PRKN: variants seen among roughly 807,000 people sequenced by gnomAD.
PRKN encodes E3 ubiquitin-protein ligase parkin.
In PRKN, 56 loss-of-function variants were observed where a neutral mutation model predicts 59.5. The ratio of observed to expected loss-of-function variants is 0.94; its 90% CI spans 0.76 to 1.18. The LOEUF (loss-of-function observed/expected upper bound fraction) is 1.18. Ranked by LOEUF, PRKN falls within the 50% of genes most tolerant of loss-of-function variation. PRKN has a pLI of 0.00. For missense variants in PRKN, 657 were observed against 596.4 expected (o/e 1.10, Z -1.06); for synonymous variants, 250 against 222.1 (o/e 1.13, Z -1.12).
intron 9 of PRKN, among the ~76,000 whole-genome samples, chr6:161,531,120 G>A (rs535720183): frequency 2.0e-5 from 3 of 152,118 alleles, no homozygotes; most frequent in African/African-American, 4.8e-5. Flanking sequence ...GGTGGCTCAC[G>A]CCTGTAATCC....
chr6:162,681,077 G>C (rs1779751678), intron 1 of PRKN, among the ~76,000 whole-genome samples: 1 of 151,622 alleles, frequency 6.6e-6, no homozygotes, highest in South Asian at 2.1e-4. Flanking sequence ...ACGTGTTTTT[G>C]AAAAAGATTC....
intron 1 of PRKN, among the ~76,000 whole-genome samples, chr6:162,673,679 C>A (rs963220606): frequency 1.3e-5 from 2 of 152,282 alleles, no homozygotes; most frequent in Admixed American, 6.5e-5. Context: ...AGCCAACACG[C>A]CCAGCCTAGA....
Position 162,567,358 on chromosome 6 carries a change from T to C in PRKN, c.8-123885A>G, listed in dbSNP as rs527594489. Among the ~76,000 whole-genome samples, 29 of 152,338 alleles carry C rather than the reference T, an allele frequency of 1.9e-4. 1 individual carries two copies. In the South Asian group the frequency reaches 5.4e-3, roughly 28 times the overall value. On this transcript the variant is annotated intron_variant, in intron 1 of 11. Transcript: ENST00000366898. ...CTTGTCTGCAGATGATATGATCTTA[T>C]ATTTGGAAAAACCTTAAGATTCCAC... is the stretch of plus-strand genomic sequence containing the variant.
rs1473234832 is a variant in PRKN, at chr6:161,581,227, T to C, written c.872-11811A>G. ...CTGTCTCAAAAAAAAAAAAAAAGTT[T>C]CTCTATGTATCAATTTTTATTTTAA... On this transcript the variant is annotated intron_variant, in intron 7 of 11. Transcript: ENST00000366898. The surrounding 1 kb of genome is among the most constrained non-coding windows in gnomAD (Gnocchi z 4.5). 6.6e-6 allele frequency among the ~76,000 whole-genome samples: 1 copy of C among 151,900 alleles called. No homozygotes were observed. Among genetic ancestry groups the C allele is most frequent in the Non-Finnish European group, 1.5e-5 (1 of 67,956 alleles).
In PRKN at chr6:161,773,044, G is replaced by C. The variant is rs34570278; in HGVS notation, c.871+12728C>G. Among the ~76,000 whole-genome samples the C allele has an allele frequency of 7.7e-3, 1,172 of 152,260 alleles. 17 individuals carry two copies. Among genetic ancestry groups the C allele is most frequent in the Non-Finnish European group, 0.013 (856 of 68,024 alleles). ...AGTGCTACAAAGAAAAGCAGGGAAT[G>C]ATAATTATTAAGATCAGATAGTAGT... On this transcript the variant is annotated intron_variant, in intron 7 of 11. Coordinates refer to ENST00000366898, the MANE Select transcript of PRKN (RefSeq NM_004562.3).
chr6:162,437,352 G>T (rs530544281), intron 2 of PRKN, among the ~76,000 whole-genome samples: 1 of 151,930 alleles, frequency 6.6e-6, no homozygotes, highest in Admixed American at 6.6e-5. Flanking sequence ...GATATCCTAG[G>T]TTTTTTTTAA....
At chr6:162,556,342 GGTGTGTGTGTGTGTGTGTGT>G (rs202002846) in intron 1 of PRKN, among the ~76,000 whole-genome samples, 7 of 57,304 alleles carry the variant, frequency 1.2e-4, no homozygotes, top group East Asian at 7.5e-4. Flanking sequence ...CTACTCAGCT[GGTGTGTGTGTGTGTGTGTGT>G]GTGTGTGTGT....
rs117674730 is a variant in PRKN at position 161,895,624 on chromosome 6, G to A, written c.734+77678C>T. 8.8e-4 allele frequency among the ~76,000 whole-genome samples: 62 copies of A among 70,778 alleles called. 3 individuals are homozygous for A. The highest frequency in any genetic ancestry group is 2.4e-3 in the East Asian group (5 of 2,068). 46.4% of individuals were successfully genotyped at this position (70,778 alleles called of 152,430 possible). A position where few individuals can be genotyped will look rare whatever the true frequency, so the allele number is the denominator to read the frequency against. ...CAGGAGCACGCCCACCCCACCTGCT[G>A]TTATGCTCCCCAGTGAGGCTTCTGA... On this transcript the variant is annotated intron_variant, in intron 6 of 11. Coordinates refer to ENST00000366898, the MANE Select transcript of PRKN (RefSeq NM_004562.3).
intron 7 of PRKN, among the ~76,000 whole-genome samples, chr6:161,639,910 C>T (rs887567963): frequency 6.6e-6 from 1 of 152,188 alleles, no homozygotes. Flanking sequence ...GACTGTGCTA[C>T]TCAGAATACC....
chr6:162,141,917 C>T (rs1203518603), intron 4 of PRKN, among the ~76,000 whole-genome samples: 2 of 152,096 alleles, frequency 1.3e-5, no homozygotes, highest in African/African-American at 2.4e-5. Context: ...CTGAAAATAG[C>T]GCACTCAGGC....
intron 2 of PRKN, among the ~76,000 whole-genome samples, chr6:162,398,498 C>A (rs369112455): frequency 6.6e-6 from 1 of 152,028 alleles, no homozygotes; most frequent in South Asian, 2.1e-4. Context: ...GCAAGCGATT[C>A]TCCTGCCTCA....
intron 7 of PRKN, among the ~76,000 whole-genome samples, chr6:161,600,160 C>T (rs1241585757): frequency 6.6e-6 from 1 of 152,062 alleles, no homozygotes; most frequent in Non-Finnish European, 1.5e-5. Flanking sequence ...ATTTTTATTC[C>T]TTACTTGGTA....
chr6:162,626,042 A>G (rs1047200799), intron 1 of PRKN, among the ~76,000 whole-genome samples: 4 of 152,158 alleles, frequency 2.6e-5, no homozygotes, highest in African/African-American at 9.7e-5. Context: ...AGACTAGGAA[A>G]ATCCCCACAT....
rs1209043629 is a variant in PRKN, at chr6:161,349,452, G to A, written c.*647C>T. ...TTTGTGACAAGTTGATTTACGCATAGTTGGTATTTCATTAATGCGATTTAT... is the reference window on the plus strand; with the variant it reads ...TTTGTGACAAGTTGATTTACGCATAATTGGTATTTCATTAATGCGATTTAT... On this transcript the variant is annotated 3_prime_UTR_variant, in exon 12 of 12. Transcript: ENST00000366898. This position sits in a 1 kb window ranked among gnomAD's most constrained non-coding sequence, Gnocchi z 5.5. The A allele has an allele frequency of 4.3e-6, 1 of 232,046 alleles. No individual in the cohort carries two copies. Among genetic ancestry groups the A allele is most frequent in the Non-Finnish European group, 8.5e-6 (1 of 117,448 alleles). The allele number at this position is 232,046 out of a possible 1,614,324, so 14.4% of individuals were successfully genotyped here.
At chr6:162,630,368 C>A (rs1783060667) in intron 1 of PRKN, among the ~76,000 whole-genome samples, 1 of 152,092 alleles carries the variant, frequency 6.6e-6, no homozygotes, top group South Asian at 2.1e-4. Flanking sequence ...CCAGGCTGCC[C>A]AAACTGCTAA....
chr6:161,918,403 G>C (rs1778655515), intron 6 of PRKN, among the ~76,000 whole-genome samples: 1 of 152,208 alleles, frequency 6.6e-6, no homozygotes, highest in Non-Finnish European at 1.5e-5. Flanking sequence ...AAAGCTGCAA[G>C]AGAGATTCAG....
At chr6:162,362,680 C>A (rs559201132) in intron 2 of PRKN, among the ~76,000 whole-genome samples, 2 of 152,112 alleles carry the variant, frequency 1.3e-5, no homozygotes, top group Non-Finnish European at 2.9e-5. Flanking sequence ...GGCGGACTCA[C>A]ATTCATCTTG....
chr6:161,957,491 G>C lies in PRKN; in HGVS notation c.734+15811C>G, dbSNP rs544475770. Among the ~76,000 whole-genome samples the C allele has an allele frequency of 4.1e-5, 6 of 147,104 alleles. No individual in the cohort carries two copies. The South Asian group carries it at 8.9e-4, about 22-fold the overall frequency. On this transcript the variant is annotated intron_variant, in intron 6 of 11. Transcript: ENST00000366898. ...TCAGGCTGAAGTGCAGTGGCACAAT[G>C]TTGGCTAACTGCAACCTCCACCTCC...
intron 2 of PRKN, among the ~76,000 whole-genome samples, chr6:162,283,081 C>A (rs1780990773): frequency 6.7e-6 from 1 of 149,904 alleles, no homozygotes; most frequent in African/African-American, 2.5e-5. Flanking sequence ...CTGTCAATGT[C>A]TTTATGGATG....
Sources: gnomAD v4.1 joint callset for allele counts (sites outside exome capture counted in the v4.1 genomes callset) on GRCh38, gnomAD v4.1.1 for gene constraint, Gnocchi (gnomAD v3.1) non-coding constraint, MANE v1.5 for transcripts, NCBI Gene and HGNC (gene_info 2026-07-23, HGNC 2026-07-21) for gene names.